The following COL11A1 variants were observed in gnomAD, a reference collection of about 807,000 sequenced individuals.
COL11A1 encodes the protein collagen alpha-1(XI) chain.
COL11A1 carries 74 observed loss-of-function variants against 265.2 expected under a neutral mutation model. That is an observed-to-expected ratio of 0.28 (90% confidence interval 0.23 to 0.34). COL11A1 has a LOEUF of 0.34. Among genes scored for constraint, COL11A1 ranks in the 10% least tolerant of loss-of-function variants. The pLI, the probability that COL11A1 is intolerant of heterozygous loss-of-function variation, is 1.00. For missense variants in COL11A1, 2,165 were observed against 2,263.6 expected (o/e 0.96, Z 0.88); for synonymous variants, 816 against 727.6 (o/e 1.12, Z -1.96).
rs142396436 is a variant in COL11A1 at position 102,926,983 on chromosome 1, T to C, written c.3601-3594A>G. Among the ~76,000 whole-genome samples, 5 of 152,270 alleles carry C rather than the reference T, an allele frequency of 3.3e-5. No homozygotes were observed. In the East Asian group the frequency reaches 9.7e-4, roughly 29 times the overall value. On this transcript the variant is annotated intron_variant, in intron 46 of 66. Transcript: ENST00000370096. Reference sequence around the variant, plus strand: ...AAGTTTAAAAAGAATTATTTTGACCTTAAAATGAGATAAATAAAAAATCTT... The same window carrying C: ...AAGTTTAAAAAGAATTATTTTGACCCTAAAATGAGATAAATAAAAAATCTT...
chr1:103,054,745 T>C (rs1670106082), intron 4 of COL11A1, among the ~76,000 whole-genome samples: 1 of 151,792 alleles, frequency 6.6e-6, no homozygotes, highest in South Asian at 2.1e-4. Flanking sequence ...CTACTAAAAT[T>C]ACAAAATTAG....
chr1:103,088,606 T>C (rs942196447), intron 1 of COL11A1, among the ~76,000 whole-genome samples: 1 of 152,230 alleles, frequency 6.6e-6, no homozygotes, highest in Non-Finnish European at 1.5e-5. Flanking sequence ...TTCATTTATA[T>C]ATTGTCCATA....
intron 35 of COL11A1, among the ~76,000 whole-genome samples, chr1:102,978,472 C>T (rs887036706): frequency 6.6e-6 from 1 of 152,104 alleles, no homozygotes; most frequent in Admixed American, 6.6e-5. Context: ...AGAGTGATAT[C>T]TTAGTCCAGT....
chr1:102,973,234 A>G (rs1246044644), intron 36 of COL11A1, among the ~76,000 whole-genome samples: 10 of 152,144 alleles, frequency 6.6e-5, no homozygotes, highest in Admixed American at 5.9e-4. Flanking sequence ...CAGTGAAAGA[A>G]ATACTCCTTC....
chr1:102,968,471 T>C (rs1382420621), intron 37 of COL11A1, among the ~76,000 whole-genome samples: 1 of 152,194 alleles, frequency 6.6e-6, no homozygotes, highest in African/African-American at 2.4e-5. Context: ...ACAACCCAAA[T>C]GAATGTAAGA....
chr1:103,026,439 G>T, intron 5 of COL11A1, 107 bp from the exon 6 acceptor site: 1 of 776,434 alleles, frequency 1.3e-6, no homozygotes, highest in Non-Finnish European at 2.3e-6. Context: ...TAAGAGATAA[G>T]AAATTAATGT....
rs995028670 is a variant in COL11A1 at position 103,073,046 on chromosome 1, C to T, written c.651+1572G>A. The stretch of plus-strand genomic sequence containing the variant: ...TAAAACTTCATAGGGTTTCATGAAA[C>T]TCTAGGATGCGAAGTAGCTTAATAA... On this transcript the variant is annotated intron_variant, in intron 4 of 66. Transcript: ENST00000370096. Among the ~76,000 whole-genome samples, 3 of 151,660 alleles carry T rather than the reference C, an allele frequency of 2.0e-5. No individual in the cohort carries two copies. In the East Asian group the frequency reaches 5.8e-4, roughly 29 times the overall value.
rs1667554061 is a variant in COL11A1, at chr1:103,026,758, AAAT to A, written c.781-429_781-427del. Among the ~76,000 whole-genome samples, 3 of 152,234 alleles carry A rather than the reference AAAT, an allele frequency of 2.0e-5. No homozygotes were observed. In the South Asian group the frequency reaches 6.2e-4, roughly 32 times the overall value. On this transcript the variant is annotated intron_variant, in intron 5 of 66. Transcript: ENST00000370096. ...ATTTTAAATTAAGCTACATATCTAAAAATAAAAATGTAGAGAGTAGTCTTCCTA... is the reference window on the plus strand; with the variant it reads ...ATTTTAAATTAAGCTACATATCTAAAAAAAATGTAGAGAGTAGTCTTCCTA...
intron 44 of COL11A1, among the ~76,000 whole-genome samples, chr1:102,936,737 G>A (rs925733154): frequency 5.3e-5 from 8 of 152,166 alleles, no homozygotes; most frequent in South Asian, 2.1e-4. Context: ...AGTCATCAAC[G>A]TGCAAGATAG....
At chr1:102,930,749 G>A (rs898630872) in intron 46 of COL11A1, among the ~76,000 whole-genome samples, 61 of 151,816 alleles carry the variant, frequency 4.0e-4, no homozygotes, top group Non-Finnish European at 7.5e-4. Flanking sequence ...GTAAGCTATT[G>A]ATTATTGCCA....
At chr1:102,925,833 A>G (rs1656535097) in intron 46 of COL11A1, among the ~76,000 whole-genome samples, 1 of 152,116 alleles carries the variant, frequency 6.6e-6, no homozygotes, top group Non-Finnish European at 1.5e-5. Context: ...AATAGCATAC[A>G]CTGCAACTTA....
intron 4 of COL11A1, among the ~76,000 whole-genome samples, chr1:103,037,109 C>G (rs1282669746): frequency 6.7e-6 from 1 of 149,524 alleles, no homozygotes; most frequent in Non-Finnish European, 1.5e-5. Context: ...TTTTTTTGTT[C>G]ATTTTTTTAC....
chr1:102,958,573 C>G (rs1325914453), intron 41 of COL11A1, among the ~76,000 whole-genome samples: 1 of 152,128 alleles, frequency 6.6e-6, no homozygotes, highest in African/African-American at 2.4e-5. Context: ...CACCGCTTCA[C>G]TAGATTCTGC....
intron 4 of COL11A1, among the ~76,000 whole-genome samples, chr1:103,041,356 A>G (rs997555425): frequency 1.3e-5 from 2 of 151,632 alleles, no homozygotes; most frequent in African/African-American, 4.8e-5. Context: ...AGCTTTTTAC[A>G]TATCAATTTT....
chr1:102,879,606 C>A lies in COL11A1; in HGVS notation c.5274+77G>T. The A allele has an allele frequency of 3.1e-6, 4 of 1,290,610 alleles. No homozygotes were observed. In the South Asian group the frequency reaches 4.8e-5, roughly 15 times the overall value. The allele number at this position is 1,290,610 out of a possible 1,614,324, so 79.9% of individuals were successfully genotyped here. ...CTGACGTCCATTTCATGAGAAAAAT[C>A]TGGCTAAGGACCGACTGAAACGGTG... On this transcript the variant is annotated intron_variant, in intron 66 of 66. Coordinates refer to ENST00000370096, the MANE Select transcript of COL11A1 (RefSeq NM_001854.4).
intron 31 of COL11A1, among the ~76,000 whole-genome samples, chr1:102,979,877 T>TA (rs1662872457): frequency 6.6e-6 from 1 of 152,178 alleles, no homozygotes; most frequent in South Asian, 2.1e-4. Context: ...TGTCTATAGT[T>TA]ACCACTTTTG....
intron 4 of COL11A1, among the ~76,000 whole-genome samples, chr1:103,068,923 GA>G (rs1671360179): frequency 7.3e-5 from 11 of 151,024 alleles, no homozygotes; most frequent in Middle Eastern, 7.6e-3. Flanking sequence ...AATTAAACAA[GA>G]CCAAAATAAA....
intron 1 of COL11A1, among the ~76,000 whole-genome samples, chr1:103,097,669 G>A (rs1000903790): frequency 1.3e-5 from 2 of 151,932 alleles, no homozygotes; most frequent in African/African-American, 4.8e-5. Flanking sequence ...CATATAATGA[G>A]CTTTTAACCT....
chr1:102,935,884 C>T (rs1457504120), intron 44 of COL11A1, among the ~76,000 whole-genome samples: 2 of 152,200 alleles, frequency 1.3e-5, no homozygotes, highest in Non-Finnish European at 2.9e-5. Context: ...TCTGCTAGTT[C>T]ATAACTCTTC....
Sources: gnomAD v4.1 joint callset for allele counts (sites outside exome capture counted in the v4.1 genomes callset) on GRCh38, gnomAD v4.1.1 for gene constraint, MANE v1.5 for transcripts, NCBI Gene and HGNC (gene_info 2026-07-23, HGNC 2026-07-21) for gene names.